CLVS1: variants seen among roughly 807,000 people sequenced by gnomAD.
The protein encoded by CLVS1 is clavesin 1.
In CLVS1, 10 loss-of-function variants were observed where a neutral mutation model predicts 33.1. The ratio of observed to expected loss-of-function variants is 0.30; its 90% CI spans 0.19 to 0.51. The LOEUF (loss-of-function observed/expected upper bound fraction) is 0.51. Among genes scored for constraint, CLVS1 ranks in the 20% least tolerant of loss-of-function variants. The pLI is 0.97. For synonymous variants in CLVS1, 163 were observed against 166.1 expected (o/e 0.98, Z 0.14); for missense variants, 343 against 433.4 (o/e 0.79, Z 1.85).
the CLVS1 span, among the ~76,000 whole-genome samples, chr8:60,970,528 G>A: frequency 8.5e-5 from 13 of 152,190 alleles, 1 homozygote; most frequent in South Asian, 6.2e-4. Context: ...TGAAAATCAC[G>A]TGCCCTTGAT....
chr8:60,991,904 AC>A, the CLVS1 span, among the ~76,000 whole-genome samples: 4 of 151,804 alleles, frequency 2.6e-5, no homozygotes, highest in Admixed American at 2.6e-4. Context: ...GTGTCACTGC[AC>A]CCAGCTAATT....
chr8:61,319,461 C>A (rs1009038294), intron 2 of CLVS1, among the ~76,000 whole-genome samples: 2 of 152,176 alleles, frequency 1.3e-5, no homozygotes, highest in Non-Finnish European at 2.9e-5. Context: ...ACTCCTGTTA[C>A]AACTAGGATT....
intron 2 of CLVS1, among the ~76,000 whole-genome samples, chr8:61,150,865 A>G (rs1806518258): frequency 6.6e-6 from 1 of 152,172 alleles, no homozygotes; most frequent in African/African-American, 2.4e-5. Flanking sequence ...GAGGATGAGC[A>G]TCTAGACCCC....
chr8:61,469,341 C>T (rs1361397108), intron 5 of CLVS1, among the ~76,000 whole-genome samples: 1 of 152,196 alleles, frequency 6.6e-6, no homozygotes, highest in Non-Finnish European at 1.5e-5. Flanking sequence ...CAAATACCTT[C>T]ATCCTTATGT....
chr8:61,360,552 C>T (rs1054768950), intron 2 of CLVS1, among the ~76,000 whole-genome samples: 21 of 152,196 alleles, frequency 1.4e-4, no homozygotes, highest in African/African-American at 4.8e-4. Context: ...AATGAATAAG[C>T]TCTGTGCTCT....
chr8:61,076,711 A>G (rs1314443842), intron 1 of CLVS1, among the ~76,000 whole-genome samples: 3 of 152,162 alleles, frequency 2.0e-5, no homozygotes, highest in Non-Finnish European at 4.4e-5. Flanking sequence ...TGGGTGGAGC[A>G]GGGCAGTTTG....
intron 1 of CLVS1, among the ~76,000 whole-genome samples, chr8:61,058,990 G>A (rs548570285): frequency 3.9e-4 from 60 of 152,184 alleles, no homozygotes; most frequent in Non-Finnish European, 7.1e-4. Context: ...ATTACAAATA[G>A]AGCTTCAATG....
At chr8:61,235,777 T>C (rs1177827696) in intron 2 of CLVS1, among the ~76,000 whole-genome samples, 2 of 152,222 alleles carry the variant, frequency 1.3e-5, no homozygotes, top group Non-Finnish European at 2.9e-5. Context: ...GCACACCCTC[T>C]GTTCTGAGGT....
intron 1 of CLVS1, among the ~76,000 whole-genome samples, chr8:61,131,359 T>C (rs2129291234): frequency 6.6e-6 from 1 of 152,338 alleles, no homozygotes. Context: ...TGAAAATTAA[T>C]GCACATATAT....
At chr8:61,327,128 G>A (rs1269259749) in intron 2 of CLVS1, among the ~76,000 whole-genome samples, 1 of 152,160 alleles carries the variant, frequency 6.6e-6, no homozygotes, top group East Asian at 1.9e-4. Flanking sequence ...AATGTAGACA[G>A]CATGAGAGAA....
intron 2 of CLVS1, chr8:61,203,199 A>C: frequency 9.0e-7 from 1 of 1,113,450 alleles, no homozygotes; most frequent in Non-Finnish European, 1.4e-6. Flanking sequence ...GCTATTCAAG[A>C]TCTCTGGCAG....
upstream of CLVS1, among the ~76,000 whole-genome samples, chr8:61,283,847 A>G (rs937107679): frequency 6.6e-5 from 10 of 152,072 alleles, no homozygotes; most frequent in African/African-American, 2.4e-4. Flanking sequence ...TTGGCAACAC[A>G]TGGTTAGGAA....
At chr8:61,150,101 G>GGTGTGTGTGT (rs10653874) in intron 2 of CLVS1, among the ~76,000 whole-genome samples, 4,484 of 146,502 alleles carry the variant, frequency 0.031, 110 homozygotes, top group African/African-American at 0.064. Context: ...ATTTGAGAAA[G>GGTGTGTGTGT]GTGTGTGTGT....
chr8:61,092,602 T>A (rs910291971), intron 1 of CLVS1, among the ~76,000 whole-genome samples: 2 of 152,226 alleles, frequency 1.3e-5, no homozygotes, highest in African/African-American at 4.8e-5. Context: ...CTTGAGAGGT[T>A]GCCTTGGCTC....
intron 2 of CLVS1, among the ~76,000 whole-genome samples, chr8:61,273,672 G>A (rs1390005771): frequency 1.3e-5 from 2 of 152,256 alleles, no homozygotes; most frequent in Non-Finnish European, 2.9e-5. Context: ...CTCCGAGCCA[G>A]GTGTGGGATA....
At chr8:60,988,211 A>G in the CLVS1 span, among the ~76,000 whole-genome samples, 2 of 152,182 alleles carry the variant, frequency 1.3e-5, no homozygotes, top group Non-Finnish European at 2.9e-5. Flanking sequence ...GAGCTTTTCA[A>G]AAAAGGACCC....
chr8:61,048,999 G>T, the CLVS1 span, among the ~76,000 whole-genome samples: 9,470 of 152,282 alleles, frequency 0.062, 473 homozygotes, highest in East Asian at 0.27. Flanking sequence ...GGAGCCACCA[G>T]AAGGGTCCAG....
chr8:61,004,063 G>A, the CLVS1 span, among the ~76,000 whole-genome samples: 291 of 152,272 alleles, frequency 1.9e-3, 1 homozygote, highest in African/African-American at 6.7e-3. Context: ...AGAGAGAGAG[G>A]AGTCGATTCA....
At chr8:61,099,830 G>A (rs1480426420) in intron 1 of CLVS1, among the ~76,000 whole-genome samples, 4 of 152,342 alleles carry the variant, frequency 2.6e-5, no homozygotes, top group Non-Finnish European at 5.9e-5. Context: ...CATCAGAAAT[G>A]ATTCCAATCC....
Sources: gnomAD v4.1 joint callset for allele counts (sites outside exome capture counted in the v4.1 genomes callset) on GRCh38, gnomAD v4.1.1 for gene constraint, MANE v1.5 for transcripts, NCBI Gene and HGNC (gene_info 2026-07-23, HGNC 2026-07-21) for gene names.